The following ABI3BP variants were observed in gnomAD, a reference collection of about 807,000 sequenced individuals.
ABI3BP encodes the protein target of Nesh-SH3.
A neutral mutation model predicts 268.6 loss-of-function variants in ABI3BP; 216 were observed. The observed-to-expected ratio is 0.80, with a 90% CI of 0.72 to 0.90. The LOEUF (loss-of-function observed/expected upper bound fraction) is 0.90. Among genes scored for constraint, ABI3BP ranks in the 40% least tolerant of loss-of-function variants. The pLI is 0.00. For missense variants in ABI3BP, 2,090 were observed against 2,182.4 expected, an observed-to-expected ratio of 0.96 and a Z score of 0.84; for synonymous variants, 730 against 730.0, an observed-to-expected ratio of 1.00 and a Z score of 0.00.
chr3:100,822,228 T>C (rs903569818), intron 38 of ABI3BP, among the ~76,000 whole-genome samples: 2 of 152,218 alleles, frequency 1.3e-5, no homozygotes, highest in Non-Finnish European at 2.9e-5. Flanking sequence ...TGACATCTGA[T>C]GTATACCCCA....
At chr3:100,750,898 T>TTTCAGTATTGTTGGTATTTTTAA (rs1281131356) in intron 67 of ABI3BP, among the ~76,000 whole-genome samples, 3 of 152,218 alleles carry the variant, frequency 2.0e-5, no homozygotes, top group Non-Finnish European at 4.4e-5. Flanking sequence ...GTAGGTCATC[T>TTTCAGTATTGTTGGTATTTTTAA]TTCAGTATTG....
intron 45 of ABI3BP, 66 bp from the exon 46 acceptor site, chr3:100,812,589 T>C (rs981221891): frequency 7.6e-6 from 8 of 1,058,176 alleles, no homozygotes; most frequent in Admixed American, 7.8e-5. Context: ...AAAAGTGCTT[T>C]GCATCCAGTA....
intron 29 of ABI3BP, among the ~76,000 whole-genome samples, chr3:100,833,790 A>G (rs147982137): frequency 6.6e-6 from 1 of 152,334 alleles, no homozygotes; most frequent in East Asian, 1.9e-4. Context: ...GAAGTCAGGC[A>G]TTCGAAGTGC....
At chr3:100,951,592 T>C (rs2075053348) in intron 1 of ABI3BP, among the ~76,000 whole-genome samples, 1 of 151,902 alleles carries the variant, frequency 6.6e-6, no homozygotes, top group Non-Finnish European at 1.5e-5. Flanking sequence ...TCATTATCTT[T>C]CTCAAAACCA....
rs2099153223 is a variant in ABI3BP, at chr3:100,875,525, A to G, written c.800T>C (p.Leu267Pro). 5.0e-6 allele frequency: 8 copies of G among 1,612,506 alleles called. No individual in the cohort carries two copies. Among genetic ancestry groups the G allele is most frequent in the Non-Finnish European group, 6.8e-6 (8 of 1,178,534 alleles). ...CCACTCACCTAGTATCACTCCTCCC[A>G]GTGGAGCTTTTTCTGGGGATTTAGC... ...DSAKSPEKAP[L>P]GGVILVHLII... Residue 267 changes from leucine to proline, a missense_variant, in exon 8 of 68, where the codon CTG becomes CCG. Transcript: ENST00000471714.
At chr3:100,929,697 T>C (rs1241799654) in intron 1 of ABI3BP, among the ~76,000 whole-genome samples, 1 of 152,050 alleles carries the variant, frequency 6.6e-6, no homozygotes, top group African/African-American at 2.4e-5. Flanking sequence ...TCTCATTTGT[T>C]TTTGACCCTT....
At chr3:100,850,021 AACT>A (rs780743000) in intron 17 of ABI3BP, 21 bp downstream of exon 17, 2 of 1,598,974 alleles carry the variant, frequency 1.3e-6, no homozygotes, top group Non-Finnish European at 1.7e-6. Context: ...ATGCATACAT[AACT>A]ACATAAATGT....
At chr3:100,820,189 T>G in intron 40 of ABI3BP, 31 bp downstream of exon 40, 3,290 of 1,473,772 alleles carry the variant, frequency 2.2e-3, no homozygotes, top group Non-Finnish European at 2.7e-3. Context: ...GCAGCTAGGA[T>G]GAGCTACTTT....
At chr3:100,800,845 A>G (rs563707621) in intron 51 of ABI3BP, among the ~76,000 whole-genome samples, 51 of 152,344 alleles carry the variant, frequency 3.3e-4, no homozygotes, top group South Asian at 1.0e-3. Flanking sequence ...TTGCCTATTA[A>G]AATCTATCTT....
At chr3:100,760,270 T>G (rs1248975048) in intron 63 of ABI3BP, among the ~76,000 whole-genome samples, 2 of 152,216 alleles carry the variant, frequency 1.3e-5, no homozygotes, top group Non-Finnish European at 2.9e-5. Context: ...CATGTAAGTC[T>G]GGCACACACA....
chr3:100,964,068 C>A (rs755209592), intron 1 of ABI3BP, among the ~76,000 whole-genome samples: 1 of 152,084 alleles, frequency 6.6e-6, no homozygotes, highest in Non-Finnish European at 1.5e-5. Context: ...TGGGAGTCCT[C>A]GGTAAGACTT....
chr3:100,802,270 C>A (rs1456403919), intron 51 of ABI3BP, among the ~76,000 whole-genome samples: 2 of 152,130 alleles, frequency 1.3e-5, no homozygotes, highest in East Asian at 3.8e-4. Flanking sequence ...TTGCTGAAAT[C>A]TAGATTTACT....
chr3:100,965,488 C>T (rs2080922769), intron 1 of ABI3BP, among the ~76,000 whole-genome samples: 2 of 114,152 alleles, frequency 1.8e-5, no homozygotes, highest in South Asian at 3.4e-4. Flanking sequence ...ACATGGAAAG[C>T]CTTTATTCTG....
At chr3:100,889,646 C>T (rs2043604750) in intron 4 of ABI3BP, among the ~76,000 whole-genome samples, 2 of 152,080 alleles carry the variant, frequency 1.3e-5, no homozygotes, top group African/African-American at 4.8e-5. Context: ...AGAAAGCCTG[C>T]CTTCAGCAAT....
intron 2 of ABI3BP, chr3:100,914,390 T>C (rs1396571184): frequency 1.3e-5 from 6 of 452,024 alleles, no homozygotes; most frequent in African/African-American, 4.0e-5. Flanking sequence ...AACAGGCCCC[T>C]GGCAGGCTGA....
intron 6 of ABI3BP, 73 bp downstream of exon 6, chr3:100,885,463 A>G (rs2041538760): frequency 1.2e-6 from 1 of 837,932 alleles, no homozygotes; most frequent in African/African-American, 1.7e-5. Flanking sequence ...TCAGTATCTT[A>G]TAATAAGACT....
At chr3:100,902,447 A>G (rs1190731267) in intron 3 of ABI3BP, among the ~76,000 whole-genome samples, 171 bp downstream of exon 3, 1 of 152,212 alleles carries the variant, frequency 6.6e-6, no homozygotes, top group Non-Finnish European at 1.5e-5. Flanking sequence ...AGCAGTCTCT[A>G]CCACCAGGCT....
rs1560997202 is a variant in ABI3BP at position 100,865,090 on chromosome 3, C to G, written c.989-183G>C. 4.6e-5 allele frequency among the ~76,000 whole-genome samples: 7 copies of G among 152,154 alleles called. No homozygotes were observed. The South Asian group carries it at 1.2e-3, about 27-fold the overall frequency. ...TGCCTGAGCTGACACTCCTCTCCAA[C>G]TGGTCCTTTCTGGGTTTGCTTTCTA... is the stretch of plus-strand genomic sequence containing the variant. On this transcript the variant is annotated intron_variant, in intron 10 of 67. Coordinates refer to ENST00000471714, the MANE Select transcript of ABI3BP (RefSeq NM_001375547.2).
At chr3:100,943,385 ATATT>A (rs1317611044) in intron 1 of ABI3BP, among the ~76,000 whole-genome samples, 4 of 152,122 alleles carry the variant, frequency 2.6e-5, no homozygotes, top group Non-Finnish European at 5.9e-5. Context: ...CTAAAGTTTA[ATATT>A]TATTTATATT....
Sources: gnomAD v4.1 joint callset for allele counts (sites outside exome capture counted in the v4.1 genomes callset) on GRCh38, gnomAD v4.1.1 for gene constraint, MANE v1.5 for transcripts, NCBI Gene and HGNC (gene_info 2026-07-23, HGNC 2026-07-21) for gene names.